Variants in TBC1D22A observed in about 807,000 individuals in gnomAD.
The protein encoded by TBC1D22A is TBC1 domain family member 22A, also known as putative GTPase activator.
TBC1D22A carries 38 observed loss-of-function variants against 60.2 expected under a neutral mutation model. The observed-to-expected ratio is 0.63, with a 90% confidence interval of 0.49 to 0.83. The LOEUF (loss-of-function observed/expected upper bound fraction) is 0.83. Ranked by LOEUF, TBC1D22A falls within the 40% of genes least tolerant of loss-of-function variation. The pLI, the probability that TBC1D22A is intolerant of heterozygous loss-of-function variation, is 0.00. For missense variants in TBC1D22A, 628 were observed against 701.0 expected, an observed-to-expected ratio of 0.90 and a Z score of 1.18; for synonymous variants, 302 against 281.7, an observed-to-expected ratio of 1.07 and a Z score of -0.72.
Position 46,762,862 on chromosome 22 carries a change from G to A in TBC1D22A, c.62+14G>A. 5 of 1,469,540 alleles carry A rather than the reference G, an allele frequency of 3.4e-6. No individual in the cohort carries two copies. Among genetic ancestry groups the A allele is most frequent in the Non-Finnish European group, 4.5e-6 (5 of 1,116,452 alleles). The allele number at this position is 1,469,540 out of a possible 1,614,324, so 91.0% of individuals were successfully genotyped here. On this transcript the variant is annotated intron_variant, in intron 1 of 12. Coordinates refer to ENST00000337137, the MANE Select transcript of TBC1D22A (RefSeq NM_014346.5). ...GCTCCCGGGCAGGTGGGTGTGCCGC[G>A]GAGGGCCAGGTCGGGGTCAGGGGTC... is the stretch of plus-strand genomic sequence containing the variant.
At chr22:46,940,043 C>T (rs954171763) in intron 8 of TBC1D22A, among the ~76,000 whole-genome samples, 3 of 152,174 alleles carry the variant, frequency 2.0e-5, no homozygotes, top group East Asian at 1.9e-4. Context: ...GGGAGTACTG[C>T]GAGAAAGTCA....
In TBC1D22A at chr22:46,841,073, T is replaced by TGTGTGTGTGTGTGTGA. The variant is rs35099198; in HGVS notation, c.638-37579_638-37578insTGTGTGTGTGTGTGAG. On this transcript the variant is annotated intron_variant, in intron 4 of 12. Coordinates refer to ENST00000337137, the MANE Select transcript of TBC1D22A (RefSeq NM_014346.5). ...GTGTGTGTGTGTGTGTGTGTGTGTG[T>TGTGTGTGTGTGTGTGA]GAGAGAGAGAGAGAGAGAAAGAGAG... Among the ~76,000 whole-genome samples the TGTGTGTGTGTGTGTGA allele has an allele frequency of 2.1e-3, 312 of 148,636 alleles. 1 individual carries two copies. The highest frequency in any genetic ancestry group is 7.5e-3 in the African/African-American group (300 of 40,192).
intron 4 of TBC1D22A, among the ~76,000 whole-genome samples, chr22:46,838,741 C>G (rs1451197129): frequency 6.6e-6 from 1 of 152,098 alleles, no homozygotes; most frequent in Non-Finnish European, 1.5e-5. Context: ...CGCTGGGATG[C>G]AAGGATGGTT....
At chr22:47,172,567 C>T (rs971561310) in intron 12 of TBC1D22A, among the ~76,000 whole-genome samples, 5 of 152,196 alleles carry the variant, frequency 3.3e-5, no homozygotes, top group African/African-American at 1.2e-4. Context: ...CCTATCTTTA[C>T]CTATGAGAAT....
intron 9 of TBC1D22A, among the ~76,000 whole-genome samples, chr22:46,993,908 G>C (rs1354642036): frequency 6.6e-6 from 1 of 152,160 alleles, no homozygotes; most frequent in African/African-American, 2.4e-5. Flanking sequence ...GGCCCAGACC[G>C]ACCCCCCTGT....
At chr22:46,899,197 A>C (rs895150001) in intron 7 of TBC1D22A, among the ~76,000 whole-genome samples, 5 of 152,176 alleles carry the variant, frequency 3.3e-5, no homozygotes, top group African/African-American at 9.7e-5. Flanking sequence ...CTGTAATCCC[A>C]GCACTTCAGG....
chr22:46,911,775 C>T (rs1160821903), intron 7 of TBC1D22A, among the ~76,000 whole-genome samples: 1 of 151,898 alleles, frequency 6.6e-6, no homozygotes, highest in Non-Finnish European at 1.5e-5. Context: ...AAAAATTAGC[C>T]AGGCATGGTA....
chr22:47,123,300 T>C (rs529967576), intron 12 of TBC1D22A, among the ~76,000 whole-genome samples: 2 of 152,236 alleles, frequency 1.3e-5, no homozygotes, highest in East Asian at 3.9e-4. Context: ...GAAGCCCCCT[T>C]GCTGTGCTTA....
At chr22:47,166,695 G>C (rs2068221343) in intron 12 of TBC1D22A, among the ~76,000 whole-genome samples, 1 of 152,276 alleles carries the variant, frequency 6.6e-6, no homozygotes, top group African/African-American at 2.4e-5. Context: ...GCTGTGGGCT[G>C]AGTGTCCTCA....
chr22:46,768,666 G>C (rs957125156), intron 1 of TBC1D22A, among the ~76,000 whole-genome samples: 5 of 152,060 alleles, frequency 3.3e-5, no homozygotes, highest in Non-Finnish European at 5.9e-5. Flanking sequence ...CAGCACACTG[G>C]GCTTGAGAAC....
At chr22:46,812,230 C>G (rs1414867412) in intron 4 of TBC1D22A, among the ~76,000 whole-genome samples, 1 of 152,170 alleles carries the variant, frequency 6.6e-6, no homozygotes, top group African/African-American at 2.4e-5. Context: ...GTTTGGAACT[C>G]CCTCATGCCG....
chr22:47,051,166 G>C (rs1331317046), intron 11 of TBC1D22A, among the ~76,000 whole-genome samples: 3 of 152,128 alleles, frequency 2.0e-5, no homozygotes, highest in African/African-American at 7.2e-5. Flanking sequence ...AGGAGCTGAG[G>C]GAGTGGGAGC....
chr22:46,961,689 G>C (rs1362545202), intron 8 of TBC1D22A, among the ~76,000 whole-genome samples: 1 of 152,206 alleles, frequency 6.6e-6, no homozygotes, highest in East Asian at 1.9e-4. Context: ...TTTGAACCCA[G>C]ACTTTCCATT....
At chr22:46,965,006 G>A (rs1401401562) in intron 8 of TBC1D22A, among the ~76,000 whole-genome samples, 8 of 152,224 alleles carry the variant, frequency 5.3e-5, no homozygotes, top group African/African-American at 1.4e-4. Flanking sequence ...GGGGCCGAGC[G>A]TCAGAGTGAT....
intron 4 of TBC1D22A, among the ~76,000 whole-genome samples, chr22:46,866,252 G>A (rs929220052): frequency 6.6e-6 from 1 of 152,174 alleles, no homozygotes; most frequent in Non-Finnish European, 1.5e-5. Context: ...CTACAGGCGT[G>A]TGCCACCATG....
chr22:47,077,929 C>A (rs1035620989), intron 11 of TBC1D22A, among the ~76,000 whole-genome samples: 19 of 152,218 alleles, frequency 1.2e-4, no homozygotes, highest in Admixed American at 9.8e-4. Flanking sequence ...CAGTACCTCA[C>A]GGTTTTCTTT....
At chr22:47,110,415 G>T (rs898126100) in intron 11 of TBC1D22A, among the ~76,000 whole-genome samples, 9 of 152,276 alleles carry the variant, frequency 5.9e-5, no homozygotes, top group African/African-American at 1.9e-4. Flanking sequence ...GGAGGTGGAG[G>T]TTGCAGTGAG....
chr22:47,154,860 C>T (rs934470611), intron 12 of TBC1D22A, among the ~76,000 whole-genome samples: 3 of 152,200 alleles, frequency 2.0e-5, no homozygotes, highest in African/African-American at 4.8e-5. Context: ...TGTCCTCTGG[C>T]GTTTTCACTC....
In TBC1D22A at chr22:46,892,792, G is replaced by A. The variant is rs182725496; in HGVS notation, c.837+1398G>A. Among the ~76,000 whole-genome samples the A allele has an allele frequency of 6.6e-5, 10 of 152,260 alleles. 1 individual carries two copies. The South Asian group carries it at 1.7e-3, about 25-fold the overall frequency. On this transcript the variant is annotated intron_variant, in intron 6 of 12. Transcript: ENST00000337137. ...AGTGTTGGAAGAGAAAGTTAATTACGAACAGGTTGCATACATCTTTATTTA... is the reference window on the plus strand; with the variant it reads ...AGTGTTGGAAGAGAAAGTTAATTACAAACAGGTTGCATACATCTTTATTTA...
Sources: allele counts gnomAD v4.1 joint callset (sites outside exome capture counted in the v4.1 genomes callset), GRCh38; gene constraint gnomAD v4.1.1; transcripts MANE v1.5; gene names NCBI Gene and HGNC (gene_info 2026-07-23, HGNC 2026-07-21).